RPS6KC1: variants seen among roughly 807,000 people sequenced by gnomAD.
The protein encoded by RPS6KC1 is ribosomal protein S6 kinase C1, also known as inactive ribosomal protein S6 kinase delta-1.
In RPS6KC1, 54 loss-of-function variants were observed where a neutral mutation model predicts 103.8. The ratio of observed to expected loss-of-function variants is 0.52; its 90% CI spans 0.42 to 0.65. RPS6KC1 has a LOEUF of 0.65. RPS6KC1 is among the 30% of genes least tolerant of loss of function. The probability of loss-of-function intolerance (pLI) is 0.00; values close to 1 mark genes in which losing one functional copy is unlikely to be tolerated. For missense variants in RPS6KC1, 1,151 were observed against 1,253.8 expected (o/e 0.92, Z 1.24); for synonymous variants, 439 against 438.7 (o/e 1.00, Z -0.01).
At chr1:213,593,060 C>CG in the RPS6KC1 span, among the ~76,000 whole-genome samples, 1 of 47,418 alleles carries the variant, frequency 2.1e-5, no homozygotes, top group African/African-American at 5.9e-5. Flanking sequence ...CTGAGCATTA[C>CG]AAACAGTGTT....
intron 4 of RPS6KC1, among the ~76,000 whole-genome samples, chr1:213,109,236 A>G (rs1439678924): frequency 6.6e-6 from 1 of 152,164 alleles, no homozygotes; most frequent in East Asian, 1.9e-4. Context: ...TCCCGGGTTC[A>G]TGCCATTCTC....
intron 9 of RPS6KC1, among the ~76,000 whole-genome samples, chr1:213,230,880 A>G (rs2094086494): frequency 6.6e-6 from 1 of 151,508 alleles, no homozygotes; most frequent in African/African-American, 2.4e-5. Context: ...TTATATGTTT[A>G]ATGAATTTAA....
chr1:213,384,160 C>A, the RPS6KC1 span, among the ~76,000 whole-genome samples: 1 of 151,928 alleles, frequency 6.6e-6, no homozygotes, highest in African/African-American at 2.4e-5. Flanking sequence ...CCTGTAGTCC[C>A]AGCTACTAGG....
intron 3 of RPS6KC1, among the ~76,000 whole-genome samples, chr1:213,097,425 C>A (rs905615318): frequency 1.3e-5 from 2 of 152,134 alleles, no homozygotes; most frequent in Non-Finnish European, 2.9e-5. Context: ...ATTCAGTAGA[C>A]CATGCTATTA....
intron 3 of RPS6KC1, among the ~76,000 whole-genome samples, chr1:213,090,321 A>AT (rs2080847114): frequency 6.6e-6 from 1 of 152,128 alleles, no homozygotes; most frequent in South Asian, 2.1e-4. Flanking sequence ...TTTCTCTTTG[A>AT]TTCCTTGACA....
intron 3 of RPS6KC1, among the ~76,000 whole-genome samples, chr1:213,088,650 A>G (rs961831391): frequency 6.6e-6 from 1 of 152,158 alleles, no homozygotes; most frequent in African/African-American, 2.4e-5. Context: ...GGCATGAGCC[A>G]CTGCGCCTGG....
chr1:213,512,137 A>G, the RPS6KC1 span, among the ~76,000 whole-genome samples: 1 of 152,230 alleles, frequency 6.6e-6, no homozygotes, highest in Non-Finnish European at 1.5e-5. Context: ...TCACAATTGT[A>G]ATGAGGCTCT....
chr1:213,062,444 A>G (rs1397309744), intron 1 of RPS6KC1, among the ~76,000 whole-genome samples: 3 of 152,198 alleles, frequency 2.0e-5, no homozygotes, highest in Admixed American at 6.5e-5. Context: ...AGGATATTCC[A>G]CCTGTAGCTA....
the RPS6KC1 span, among the ~76,000 whole-genome samples, chr1:213,749,610 A>T: frequency 6.6e-6 from 1 of 152,160 alleles, no homozygotes; most frequent in Admixed American, 6.5e-5. Flanking sequence ...CCCCACAACC[A>T]AAAGGGCACT....
the RPS6KC1 span, among the ~76,000 whole-genome samples, chr1:213,550,394 T>C: frequency 1.3e-5 from 2 of 152,034 alleles, no homozygotes; most frequent in Non-Finnish European, 2.9e-5. Context: ...TTTGGAGAGG[T>C]CCTCTTTTTT....
At chr1:213,217,897 C>T (rs565869416) in intron 8 of RPS6KC1, among the ~76,000 whole-genome samples, 3 of 152,220 alleles carry the variant, frequency 2.0e-5, no homozygotes, top group East Asian at 3.9e-4. Context: ...CTGTCTATGA[C>T]AAACCCACAG....
chr1:213,363,707 T>G, the RPS6KC1 span, among the ~76,000 whole-genome samples: 1 of 116,332 alleles, frequency 8.6e-6, no homozygotes, highest in Non-Finnish European at 1.7e-5. Flanking sequence ...TCTTTCCTTC[T>G]TTCTTTCTTT....
At chr1:213,113,194 T>G (rs2083208903) in intron 4 of RPS6KC1, among the ~76,000 whole-genome samples, 1 of 151,628 alleles carries the variant, frequency 6.6e-6, no homozygotes, top group South Asian at 2.1e-4. Context: ...GTAAAAGTGT[T>G]CCTATTTCTC....
chr1:213,698,097 A>G, the RPS6KC1 span, among the ~76,000 whole-genome samples: 5 of 152,220 alleles, frequency 3.3e-5, no homozygotes, highest in African/African-American at 1.2e-4. Context: ...GGGTTTATAG[A>G]AATATTAAAT....
the RPS6KC1 span, among the ~76,000 whole-genome samples, chr1:213,718,643 A>G: frequency 6.6e-6 from 1 of 152,002 alleles, no homozygotes; most frequent in Non-Finnish European, 1.5e-5. Flanking sequence ...CCCAAGGAAC[A>G]TTGTTCCTTC....
At chr1:213,501,784 A>G in the RPS6KC1 span, among the ~76,000 whole-genome samples, 334 of 152,284 alleles carry the variant, frequency 2.2e-3, 2 homozygotes, top group South Asian at 9.3e-3. Flanking sequence ...TTTAAAATAA[A>G]TTTACAAAAA....
At chr1:213,461,050 C>T in the RPS6KC1 span, among the ~76,000 whole-genome samples, 1 of 152,104 alleles carries the variant, frequency 6.6e-6, no homozygotes, top group East Asian at 1.9e-4. Context: ...ATCGTCTCAG[C>T]CCAAAATCTC....
At chr1:213,858,947 T>C in the RPS6KC1 span, among the ~76,000 whole-genome samples, 18 of 152,334 alleles carry the variant, frequency 1.2e-4, no homozygotes, top group African/African-American at 3.8e-4. Flanking sequence ...CAAAGTCATG[T>C]AAATAAATGC....
At chr1:213,139,355 G>T (rs2086750461) in intron 6 of RPS6KC1, among the ~76,000 whole-genome samples, 1 of 151,808 alleles carries the variant, frequency 6.6e-6, no homozygotes, top group Admixed American at 6.6e-5. Flanking sequence ...GTTTAATTAG[G>T]CCCAGTTGTC....
Sources: allele counts gnomAD v4.1 joint callset (sites outside exome capture counted in the v4.1 genomes callset), GRCh38; gene constraint gnomAD v4.1.1; transcripts MANE v1.5; gene names NCBI Gene and HGNC (gene_info 2026-07-23, HGNC 2026-07-21).